MGAT4C: variants seen among roughly 807,000 people sequenced by gnomAD.
MGAT4C encodes the protein alpha-1,3-mannosyl-glycoprotein 4-beta-N-acetylglucosaminyltransferase C.
In MGAT4C, 19 loss-of-function variants were observed where a neutral mutation model predicts 40.1. The observed-to-expected ratio is 0.47, with a 90% CI of 0.33 to 0.70. MGAT4C has a LOEUF of 0.70. Among genes scored for constraint, MGAT4C ranks in the 30% least tolerant of loss-of-function variants. The probability of loss-of-function intolerance (pLI) is 0.02; values close to 1 mark genes in which losing one functional copy is unlikely to be tolerated. For synonymous variants in MGAT4C, 181 were observed against 187.1 expected (o/e 0.97, Z 0.27); for missense variants, 491 against 563.2 (o/e 0.87, Z 1.30).
At chr12:86,604,295 A>G (rs1459587541) in intron 2 of MGAT4C, among the ~76,000 whole-genome samples, 1 of 152,106 alleles carries the variant, frequency 6.6e-6, no homozygotes, top group Non-Finnish European at 1.5e-5. Context: ...AGGTCTCTCT[A>G]TTCTAGGCTA....
At chr12:85,999,597 A>G (rs1204272728) in intron 2 of MGAT4C, among the ~76,000 whole-genome samples, 2 of 150,892 alleles carry the variant, frequency 1.3e-5, no homozygotes, top group Non-Finnish European at 3.0e-5. Flanking sequence ...ATATATATAT[A>G]TATATATATA....
At chr12:86,758,392 A>ATTTT (rs1565969172) in intron 1 of MGAT4C, among the ~76,000 whole-genome samples, 4 of 79,778 alleles carry the variant, frequency 5.0e-5, no homozygotes, top group African/African-American at 1.7e-4. Flanking sequence ...TTTTTTTTTA[A>ATTTT]AAAAAAGAAA....
At chr12:86,444,618 T>C (rs907488979) in intron 2 of MGAT4C, among the ~76,000 whole-genome samples, 1 of 152,206 alleles carries the variant, frequency 6.6e-6, no homozygotes, top group Non-Finnish European at 1.5e-5. Context: ...ACTCCAGTCT[T>C]CCATATCTTA....
chr12:86,414,966 A>G (rs1406138650), intron 3 of MGAT4C, among the ~76,000 whole-genome samples: 1 of 152,124 alleles, frequency 6.6e-6, no homozygotes, highest in African/African-American at 2.4e-5. Context: ...TACAGCAATA[A>G]GCATCTATAA....
rs112671961 is a variant in MGAT4C, at chr12:86,473,830, T to C, written c.-228-38565A>G. Among the ~76,000 whole-genome samples the C allele has an allele frequency of 3.3e-3, 500 of 152,222 alleles. 2 individuals carry two copies. Among genetic ancestry groups the C allele is most frequent in the African/African-American group, 0.012 (483 of 41,524 alleles). ...ATAAGTAATTGCAAGTGGGAGAGAATCGGGCCTTTTTAGGTCAAATATACT... is the reference window on the plus strand; with the variant it reads ...ATAAGTAATTGCAAGTGGGAGAGAACCGGGCCTTTTTAGGTCAAATATACT... On this transcript the variant is annotated intron_variant, in intron 2 of 7. Coordinates refer to the MGAT4C transcript ENST00000548651.
At chr12:86,792,822 C>T (rs1196973533) in intron 1 of MGAT4C, among the ~76,000 whole-genome samples, 3 of 151,868 alleles carry the variant, frequency 2.0e-5, no homozygotes, top group Admixed American at 1.3e-4. Context: ...TCCCAACTAC[C>T]CGGGAGGCTG....
intron 2 of MGAT4C, among the ~76,000 whole-genome samples, chr12:86,571,274 G>A (rs577714084): frequency 9.4e-4 from 143 of 152,126 alleles, no homozygotes; most frequent in African/African-American, 3.3e-3. Flanking sequence ...CTGGTATATT[G>A]AGGAAACCAG....
At chr12:86,594,850 G>A (rs1246378093) in intron 2 of MGAT4C, among the ~76,000 whole-genome samples, 1 of 152,094 alleles carries the variant, frequency 6.6e-6, no homozygotes, top group African/African-American at 2.4e-5. Context: ...ATTACCTAAA[G>A]CTCAGCTACT....
intron 2 of MGAT4C, among the ~76,000 whole-genome samples, chr12:86,657,734 T>TA (rs1437435220): frequency 6.6e-6 from 1 of 151,862 alleles, no homozygotes; most frequent in Non-Finnish European, 1.5e-5. Flanking sequence ...AGGATTTTAT[T>TA]AAAAATGTGG....
At chr12:86,339,568 A>G (rs1286466830) in intron 3 of MGAT4C, among the ~76,000 whole-genome samples, 4 of 152,216 alleles carry the variant, frequency 2.6e-5, no homozygotes, top group Non-Finnish European at 5.9e-5. Flanking sequence ...TTTGTATTAA[A>G]CATATATAAA....
intron 1 of MGAT4C, among the ~76,000 whole-genome samples, chr12:86,736,872 A>T (rs1345989767): frequency 6.6e-6 from 1 of 151,640 alleles, no homozygotes; most frequent in Admixed American, 6.6e-5. Flanking sequence ...AAGTAAATAC[A>T]GTCCTTCTAT....
At chr12:86,490,850 C>T (rs922711773) in intron 2 of MGAT4C, among the ~76,000 whole-genome samples, 1 of 152,130 alleles carries the variant, frequency 6.6e-6, no homozygotes, top group African/African-American at 2.4e-5. Context: ...ATCAATTCAA[C>T]AAGAAGAGCT....
chr12:86,299,264 A>T (rs1211551107), intron 4 of MGAT4C, among the ~76,000 whole-genome samples: 1 of 152,206 alleles, frequency 6.6e-6, no homozygotes, highest in African/African-American at 2.4e-5. Context: ...CTACAAGCGC[A>T]TGCCACCAGG....
At chr12:86,741,985 T>G (rs1951076800) in intron 1 of MGAT4C, among the ~76,000 whole-genome samples, 1 of 151,526 alleles carries the variant, frequency 6.6e-6, no homozygotes, top group African/African-American at 2.4e-5. Context: ...ATTATGTACC[T>G]TTAACTTGTA....
At chr12:86,066,570 TTAAA>T (rs1317479136) in intron 1 of MGAT4C, among the ~76,000 whole-genome samples, 2 of 152,142 alleles carry the variant, frequency 1.3e-5, no homozygotes, top group African/African-American at 2.4e-5. Flanking sequence ...TCAAGATGGA[TTAAA>T]TACGTATATG....
chr12:86,400,518 C>T lies in MGAT4C; in HGVS notation c.-120+34639G>A, dbSNP rs150257509. ...TTGGAATGCAGATTAGATGGTAAGC[C>T]ATTTTAGACCAAGCAAATCACACAA... is the stretch of plus-strand genomic sequence containing the variant. On this transcript the variant is annotated intron_variant, in intron 3 of 7. Transcript: ENST00000548651. Among the ~76,000 whole-genome samples, 561 of 152,194 alleles carry T rather than the reference C, an allele frequency of 3.7e-3. 2 individuals are homozygous for T. Among genetic ancestry groups the T allele is most frequent in the Non-Finnish European group, 4.2e-3 (283 of 68,012 alleles).
intron 1 of MGAT4C, among the ~76,000 whole-genome samples, chr12:86,085,198 T>C (rs1020984327): frequency 6.6e-6 from 1 of 152,118 alleles, no homozygotes; most frequent in Admixed American, 6.6e-5. Flanking sequence ...GCAGAAGCTC[T>C]TTAGTTTAAT....
At chr12:86,153,266 C>A (rs1295540116) in intron 1 of MGAT4C, among the ~76,000 whole-genome samples, 1 of 152,104 alleles carries the variant, frequency 6.6e-6, no homozygotes, top group Non-Finnish European at 1.5e-5. Context: ...ATTTAGGCCA[C>A]TAAGGAGAAA....
At chr12:86,557,834 A>G (rs1429681279) in intron 2 of MGAT4C, among the ~76,000 whole-genome samples, 1 of 152,148 alleles carries the variant, frequency 6.6e-6, no homozygotes, top group African/African-American at 2.4e-5. Flanking sequence ...AAACATGACA[A>G]CTCCAAAGAA....
Sources: allele counts gnomAD v4.1 joint callset (sites outside exome capture counted in the v4.1 genomes callset), GRCh38; gene constraint gnomAD v4.1.1; transcripts MANE v1.5; gene names NCBI Gene and HGNC (gene_info 2026-07-23, HGNC 2026-07-21).